Variants in RGS7 observed in about 807,000 individuals in gnomAD.
RGS7 encodes regulator of G-protein signaling 7.
RGS7 carries 27 observed loss-of-function variants against 81.1 expected under a neutral mutation model. The observed-to-expected ratio is 0.33, with a 90% CI of 0.25 to 0.46. The LOEUF (loss-of-function observed/expected upper bound fraction) is 0.46. RGS7 is among the 20% of genes least tolerant of loss of function. The pLI is 1.00. For synonymous variants in RGS7, 208 were observed against 207.7 expected (o/e 1.00, Z -0.01); for missense variants, 396 against 607.4 (o/e 0.65, Z 3.66).
At chr1:241,085,130 C>T (rs1183982031) in intron 3 of RGS7, among the ~76,000 whole-genome samples, 1 of 152,192 alleles carries the variant, frequency 6.6e-6, no homozygotes, top group Non-Finnish European at 1.5e-5. Context: ...TCTGCTATGG[C>T]TTACACTGGA....
intron 6 of RGS7, among the ~76,000 whole-genome samples, chr1:240,911,982 A>C (rs1396609954): frequency 1.3e-5 from 2 of 149,554 alleles, no homozygotes; most frequent in Non-Finnish European, 3.0e-5. Context: ...TCTACTAAAA[A>C]TACCAAAAAA....
intron 6 of RGS7, among the ~76,000 whole-genome samples, chr1:240,884,035 C>T (rs1257288004): frequency 2.1e-5 from 3 of 143,450 alleles, no homozygotes; most frequent in African/African-American, 7.8e-5. Flanking sequence ...GAGATCACGC[C>T]ATTGCACTCC....
At chr1:241,186,753 C>T (rs1383724576) in intron 2 of RGS7, among the ~76,000 whole-genome samples, 2 of 151,820 alleles carry the variant, frequency 1.3e-5, no homozygotes, top group Admixed American at 6.6e-5. Flanking sequence ...TCTCGAACTC[C>T]CAAACTCAGG....
At chr1:240,996,129 T>C (rs1687250861) in intron 3 of RGS7, among the ~76,000 whole-genome samples, 1 of 152,210 alleles carries the variant, frequency 6.6e-6, no homozygotes, top group Admixed American at 6.5e-5. Context: ...GATTTCTAAT[T>C]TGATTCCATT....
chr1:240,819,603 C>T (rs568912584), intron 10 of RGS7, among the ~76,000 whole-genome samples: 113 of 152,126 alleles, frequency 7.4e-4, no homozygotes, highest in African/African-American at 2.3e-3. Flanking sequence ...CCAGGCATGG[C>T]GGCATGTGCC....
At chr1:241,201,376 A>G (rs2073482902) in intron 2 of RGS7, among the ~76,000 whole-genome samples, 1 of 152,254 alleles carries the variant, frequency 6.6e-6, no homozygotes, top group African/African-American at 2.4e-5. Context: ...ATAAAGAACA[A>G]ACTCCTTGGC....
chr1:241,341,969 G>A (rs1475556033), intron 2 of RGS7, among the ~76,000 whole-genome samples: 2 of 145,536 alleles, frequency 1.4e-5, no homozygotes, highest in Admixed American at 7.4e-5. Context: ...CTGCCACCCT[G>A]GTTCAAGCAG....
chr1:241,140,934 T>C (rs1342211346), intron 2 of RGS7, among the ~76,000 whole-genome samples: 1 of 152,236 alleles, frequency 6.6e-6, no homozygotes, highest in Non-Finnish European at 1.5e-5. Context: ...TGTAGCACTT[T>C]GGGCTTTTCA....
chr1:241,067,501 A>C (rs2062134896), intron 3 of RGS7, among the ~76,000 whole-genome samples: 1 of 146,726 alleles, frequency 6.8e-6, no homozygotes, highest in Non-Finnish European at 1.5e-5. Context: ...CAAGTAAAAT[A>C]CAGAAACCTA....
chr1:241,187,809 T>G (rs900966783), intron 2 of RGS7, among the ~76,000 whole-genome samples: 1 of 152,342 alleles, frequency 6.6e-6, no homozygotes. Context: ...CATGTTTGTT[T>G]TATCTAATAA....
At chr1:240,982,943 T>C (rs1389699698) in intron 4 of RGS7, 136 bp downstream of exon 4, 1 of 590,972 alleles carries the variant, frequency 1.7e-6, no homozygotes, top group Non-Finnish European at 3.0e-6. Flanking sequence ...TATATAAATG[T>C]TAAAAGCACA....
At chr1:240,895,063 CTGG>C (rs1668830519) in intron 6 of RGS7, among the ~76,000 whole-genome samples, 1 of 151,786 alleles carries the variant, frequency 6.6e-6, no homozygotes, top group East Asian at 1.9e-4. Context: ...CTCGTGAGAT[CTGG>C]TCATCTAAAA....
chr1:241,255,938 G>A (rs186151040), intron 2 of RGS7, among the ~76,000 whole-genome samples: 23 of 152,168 alleles, frequency 1.5e-4, no homozygotes, highest in East Asian at 1.4e-3. Context: ...CTATGTTTCC[G>A]GAAATTTTGG....
At chr1:240,795,911 G>A (rs548006374) in intron 18 of RGS7, among the ~76,000 whole-genome samples, 1 of 152,206 alleles carries the variant, frequency 6.6e-6, no homozygotes, top group South Asian at 2.1e-4. Flanking sequence ...AAGAAACTGA[G>A]GTTCAGCAGT....
chr1:241,238,265 A>C (rs1029745773), intron 2 of RGS7, among the ~76,000 whole-genome samples: 3 of 152,178 alleles, frequency 2.0e-5, no homozygotes, highest in African/African-American at 7.2e-5. Context: ...GGGGAGGAGA[A>C]GAAAAAGAAA....
intron 2 of RGS7, among the ~76,000 whole-genome samples, chr1:241,124,273 T>C (rs949209469): frequency 2.0e-5 from 3 of 151,562 alleles, no homozygotes; most frequent in Non-Finnish European, 4.4e-5. Context: ...TGCACGCCTA[T>C]AGTCCCAGCT....
At chr1:241,289,642 A>G (rs1351439273) in intron 2 of RGS7, among the ~76,000 whole-genome samples, 1 of 152,204 alleles carries the variant, frequency 6.6e-6, no homozygotes, top group African/African-American at 2.4e-5. Flanking sequence ...CACCAAACAA[A>G]TATTTACAAA....
chr1:240,835,463 C>T (rs957812591), intron 9 of RGS7, among the ~76,000 whole-genome samples: 2 of 152,194 alleles, frequency 1.3e-5, no homozygotes, highest in Non-Finnish European at 2.9e-5. Flanking sequence ...GAATGTGGAG[C>T]CACAGAGATT....
At chr1:241,038,151 AGTTGGC>A (rs1288237272) in intron 3 of RGS7, among the ~76,000 whole-genome samples, 1 of 152,226 alleles carries the variant, frequency 6.6e-6, no homozygotes, top group Non-Finnish European at 1.5e-5. Flanking sequence ...TATTTGTTAC[AGTTGGC>A]TGCTGTTGGT....
Sources: allele counts gnomAD v4.1 joint callset (sites outside exome capture counted in the v4.1 genomes callset), GRCh38; gene constraint gnomAD v4.1.1; transcripts MANE v1.5; gene names NCBI Gene and HGNC (gene_info 2026-07-23, HGNC 2026-07-21).